PACRG: variants seen among roughly 807,000 people sequenced by gnomAD.
The protein encoded by PACRG is parkin coregulated.
In PACRG, 29 loss-of-function variants were observed where a neutral mutation model predicts 29.7. The observed-to-expected ratio is 0.98, with a 90% confidence interval of 0.73 to 1.33. PACRG has a LOEUF of 1.33. Ranked by LOEUF, PACRG falls within the 40% of genes most tolerant of loss-of-function variation. The pLI, the probability that PACRG is intolerant of heterozygous loss-of-function variation, is 0.00. For missense variants in PACRG, 279 were observed against 316.2 expected (o/e 0.88, Z 0.89); for synonymous variants, 116 against 118.7 (o/e 0.98, Z 0.15).
intron 2 of PACRG, among the ~76,000 whole-genome samples, chr6:162,907,641 G>T (rs1018071468): frequency 3.3e-5 from 5 of 151,932 alleles, no homozygotes; most frequent in Non-Finnish European, 7.4e-5. Context: ...TGAAGTATGC[G>T]TGACTCTTTC....
intron 4 of PACRG, among the ~76,000 whole-genome samples, chr6:163,290,288 A>G (rs796702071): frequency 0.043 from 3,904 of 90,608 alleles, 164 homozygotes; most frequent in African/African-American, 0.14. Context: ...GCACACACAC[A>G]CACACACACA....
chr6:162,922,510 T>C (rs1797137085), intron 2 of PACRG, among the ~76,000 whole-genome samples: 1 of 152,004 alleles, frequency 6.6e-6, no homozygotes, highest in Admixed American at 6.6e-5. Context: ...GTGGAACATA[T>C]TCCTCCTATG....
chr6:162,949,468 G>A (rs1799489583), intron 2 of PACRG, among the ~76,000 whole-genome samples: 3 of 152,134 alleles, frequency 2.0e-5, no homozygotes, highest in Admixed American at 6.5e-5. Context: ...AGTTAATAAC[G>A]GTGTATTGTA....
chr6:162,884,709 T>C (rs1431481743), intron 2 of PACRG, among the ~76,000 whole-genome samples: 1 of 151,300 alleles, frequency 6.6e-6, no homozygotes, highest in Non-Finnish European at 1.5e-5. Flanking sequence ...AAAATAACAG[T>C]GTTAACATGT....
At chr6:162,748,516 A>G (rs1562558427) in intron 1 of PACRG, among the ~76,000 whole-genome samples, 1 of 151,994 alleles carries the variant, frequency 6.6e-6, no homozygotes, top group Non-Finnish European at 1.5e-5. Flanking sequence ...CAAACCAAAC[A>G]AACCAAAAAA....
chr6:162,945,746 A>C, intron 2 of PACRG, among the ~76,000 whole-genome samples: 1 of 152,078 alleles, frequency 6.6e-6, no homozygotes, highest in East Asian at 1.9e-4. Context: ...CATATGTTAA[A>C]CCTCAAAACA....
At position 162,740,744 on chromosome 6, in the gene PACRG, C is replaced by A. The variant is rs552596379; in HGVS notation, c.156+12353C>A. Among the ~76,000 whole-genome samples, 199 of 152,044 alleles carry A rather than the reference C, an allele frequency of 1.3e-3. 1 individual carries two copies. The highest frequency in any genetic ancestry group is 4.6e-3 in the African/African-American group (192 of 41,500). ...CCTCCAAAGTAGCTGGGACTACAGG[C>A]CCGCGCCACCACGCCCAGCTAATTT... On this transcript the variant is annotated intron_variant, in intron 1 of 4. Transcript: ENST00000366888.
At chr6:163,091,720 C>T (rs375648796) in intron 4 of PACRG, among the ~76,000 whole-genome samples, 19 of 152,188 alleles carry the variant, frequency 1.2e-4, no homozygotes, top group African/African-American at 4.1e-4. Flanking sequence ...TACCCTAGAT[C>T]CAATTCTTTC....
chr6:163,212,598 T>C (rs1446452789), intron 4 of PACRG, among the ~76,000 whole-genome samples: 1 of 152,136 alleles, frequency 6.6e-6, no homozygotes, highest in Non-Finnish European at 1.5e-5. Flanking sequence ...AAATAAATGA[T>C]AGTAAAATGG....
intron 4 of PACRG, among the ~76,000 whole-genome samples, chr6:163,282,168 C>T (rs76718737): frequency 0.011 from 1,700 of 152,110 alleles, 33 homozygotes; most frequent in African/African-American, 0.039. Context: ...ACCATAGTTA[C>T]GCTCATTGTA....
intron 2 of PACRG, among the ~76,000 whole-genome samples, chr6:163,020,251 G>A (rs1291897775): frequency 6.6e-6 from 1 of 152,192 alleles, no homozygotes; most frequent in African/African-American, 2.4e-5. Context: ...GTATATGAAT[G>A]TGAGAGTATT....
At chr6:162,841,807 G>A (rs1354528659) in intron 2 of PACRG, among the ~76,000 whole-genome samples, 6 of 152,042 alleles carry the variant, frequency 3.9e-5, no homozygotes, top group Middle Eastern at 3.4e-3. Flanking sequence ...CTTTGTTCTC[G>A]TTGGTTTCAA....
intron 4 of PACRG, among the ~76,000 whole-genome samples, chr6:163,227,564 G>A (rs557467787): frequency 2.6e-5 from 4 of 152,292 alleles, no homozygotes; most frequent in South Asian, 2.1e-4. Flanking sequence ...TGGGTGTGCC[G>A]TCCTTCATGA....
intron 3 of PACRG, among the ~76,000 whole-genome samples, chr6:163,085,154 A>C (rs1398631211): frequency 6.6e-6 from 1 of 152,122 alleles, no homozygotes; most frequent in Non-Finnish European, 1.5e-5. Flanking sequence ...TTTTTAAAAC[A>C]CAAAAACAAA....
chr6:162,879,150 C>T (rs956988039), intron 2 of PACRG, among the ~76,000 whole-genome samples: 11 of 152,088 alleles, frequency 7.2e-5, no homozygotes, highest in African/African-American at 2.7e-4. Flanking sequence ...ATCACAAGAA[C>T]AATATCAAGC....
At chr6:162,744,243 T>C (rs2128267154) in intron 1 of PACRG, among the ~76,000 whole-genome samples, 1 of 152,326 alleles carries the variant, frequency 6.6e-6, no homozygotes, top group Admixed American at 6.5e-5. Flanking sequence ...GTAGTTATTC[T>C]GGATCATTAA....
At chr6:163,284,129 A>T (rs1340996172) in intron 4 of PACRG, among the ~76,000 whole-genome samples, 1 of 152,250 alleles carries the variant, frequency 6.6e-6, no homozygotes, top group Admixed American at 6.5e-5. Flanking sequence ...AAAAAATTAA[A>T]TAGGGTTTAA....
At chr6:163,075,622 T>C (rs1022832551) in intron 3 of PACRG, among the ~76,000 whole-genome samples, 2 of 152,170 alleles carry the variant, frequency 1.3e-5, no homozygotes, top group Non-Finnish European at 2.9e-5. Flanking sequence ...ATCAAGCCAA[T>C]TTACAACATT....
chr6:163,099,855 C>T (rs1467021695), intron 4 of PACRG, among the ~76,000 whole-genome samples: 1 of 152,192 alleles, frequency 6.6e-6, no homozygotes, highest in Non-Finnish European at 1.5e-5. Flanking sequence ...GTAAATTGTT[C>T]TGCCCTCCCC....
Sources: allele counts gnomAD v4.1 joint callset (sites outside exome capture counted in the v4.1 genomes callset), GRCh38; gene constraint gnomAD v4.1.1; transcripts MANE v1.5; gene names NCBI Gene and HGNC (gene_info 2026-07-23, HGNC 2026-07-21).